Variants in SDHB observed in about 807,000 individuals in gnomAD.
SDHB encodes succinate dehydrogenase complex iron sulfur subunit B.
In SDHB, 21 loss-of-function variants were observed where a neutral mutation model predicts 39.7. The observed-to-expected ratio is 0.53, with a 90% CI of 0.37 to 0.76. The LOEUF (loss-of-function observed/expected upper bound fraction) is 0.76, where lower values mean the gene tolerates loss of function less well. SDHB is among the 30% of genes least tolerant of loss of function. The pLI is 0.00. For missense variants in SDHB, 343 were observed against 350.9 expected (o/e 0.98, Z 0.18); for synonymous variants, 118 against 117.0 (o/e 1.01, Z -0.06).
intron 1 of SDHB, among the ~76,000 whole-genome samples, chr1:17,048,867 C>T (rs751576324): frequency 1.3e-5 from 2 of 151,726 alleles, no homozygotes; most frequent in Non-Finnish European, 1.5e-5. Context: ...CCTGCCACCA[C>T]GCCGAGCTAA....
intron 2 of SDHB, among the ~76,000 whole-genome samples, chr1:17,041,478 T>C (rs757769826): frequency 3.9e-5 from 6 of 152,070 alleles, no homozygotes; most frequent in Non-Finnish European, 7.4e-5. Context: ...AAGACCAGCC[T>C]GGCCAACATG....
At chr1:17,045,868 G>T (rs1368986684) in intron 1 of SDHB, among the ~76,000 whole-genome samples, 2 of 152,178 alleles carry the variant, frequency 1.3e-5, no homozygotes, top group Non-Finnish European at 2.9e-5. Context: ...AATCCCAGAA[G>T]ACTGTGCAGC....
chr1:17,035,083 A>T (rs2078043893), intron 2 of SDHB, among the ~76,000 whole-genome samples: 1 of 152,112 alleles, frequency 6.6e-6, no homozygotes, highest in Non-Finnish European at 1.5e-5. Context: ...CTTATATATT[A>T]TATCTGTTGC....
chr1:17,039,010 C>T (rs1490813531), intron 2 of SDHB, among the ~76,000 whole-genome samples: 1 of 151,996 alleles, frequency 6.6e-6, no homozygotes, highest in Non-Finnish European at 1.5e-5. Flanking sequence ...CTTTTTCTTG[C>T]ACTTAAAACA....
intron 2 of SDHB, among the ~76,000 whole-genome samples, chr1:17,041,816 T>C (rs1230524910): frequency 6.6e-6 from 1 of 152,218 alleles, no homozygotes. Context: ...ATGAACAGCA[T>C]TTAGTGCTCC....
At chr1:17,022,456 C>A (rs1431540960) in intron 7 of SDHB, 152 bp downstream of exon 7, 4 of 1,088,026 alleles carry the variant, frequency 3.7e-6, no homozygotes, top group Non-Finnish European at 5.5e-6. Flanking sequence ...CCAAACTAGC[C>A]CCTAGGCTCA....
At chr1:17,051,143 T>C (rs1253319198) in intron 1 of SDHB, among the ~76,000 whole-genome samples, 1 of 152,212 alleles carries the variant, frequency 6.6e-6, no homozygotes, top group African/African-American at 2.4e-5. Flanking sequence ...GTTGCTCTAA[T>C]CATACAATGA....
intron 2 of SDHB, among the ~76,000 whole-genome samples, chr1:17,043,047 C>T (rs1486455874): frequency 1.4e-5 from 2 of 145,692 alleles, no homozygotes; most frequent in African/African-American, 2.5e-5. Flanking sequence ...CTGCAACCTC[C>T]GCCTCCCAGG....
chr1:17,022,551 T>A lies in SDHB; in HGVS notation c.765+57A>T, dbSNP rs968995462. 1.4e-5 allele frequency: 22 copies of A among 1,608,434 alleles called. No homozygotes were observed. The African/African-American group carries it at 2.1e-4, about 16-fold the overall frequency. ...TGCCAATCACCTCTTTGTGAGCACA[T>A]GCTACTTCTGGCGTGTCAGCTCTGA... On this transcript the variant is annotated intron_variant, in intron 7 of 7. Transcript: ENST00000375499.
intron 2 of SDHB, among the ~76,000 whole-genome samples, chr1:17,043,119 G>A (rs2078090722): frequency 6.6e-6 from 1 of 151,620 alleles, no homozygotes; most frequent in African/African-American, 2.4e-5. Flanking sequence ...CTGCCACAAC[G>A]CCCAGCTTAT....
At chr1:17,053,775 A>G (rs941449775) in intron 1 of SDHB, among the ~76,000 whole-genome samples, 173 bp downstream of exon 1, 34 of 149,996 alleles carry the variant, frequency 2.3e-4, no homozygotes, top group Admixed American at 1.7e-3. Context: ...GCGCAGAAAG[A>G]TAACTTGACA....
rs577755157 is a variant in SDHB at position 17,022,135 on chromosome 1, C to T, written c.765+473G>A. Among the ~76,000 whole-genome samples the T allele has an allele frequency of 6.6e-5, 10 of 152,240 alleles. No homozygotes were observed. In the South Asian group the frequency reaches 8.3e-4, roughly 13 times the overall value. Reference sequence around the variant, plus strand: ...AGTGAGCCAAAAGCAGCAGCAAATGCGAGCAGGAAGAGGAACGAAAGCCAG... The same window carrying T: ...AGTGAGCCAAAAGCAGCAGCAAATGTGAGCAGGAAGAGGAACGAAAGCCAG... On this transcript the variant is annotated intron_variant, in intron 7 of 7. Transcript: ENST00000375499.
At chr1:17,024,908 T>C (rs550056154) in intron 5 of SDHB, among the ~76,000 whole-genome samples, 16 of 152,316 alleles carry the variant, frequency 1.1e-4, no homozygotes, top group South Asian at 2.1e-4. Context: ...ATGGTTGTGA[T>C]TGAACCATGA....
chr1:17,035,070 G>T (rs992249435), intron 2 of SDHB, among the ~76,000 whole-genome samples: 5 of 151,992 alleles, frequency 3.3e-5, no homozygotes, highest in Non-Finnish European at 5.9e-5. Context: ...ATGATCTGAG[G>T]CTCTTATATA....
At chr1:17,022,193 G>A (rs1015476298) in intron 7 of SDHB, among the ~76,000 whole-genome samples, 5 of 152,210 alleles carry the variant, frequency 3.3e-5, no homozygotes, top group East Asian at 1.9e-4. Context: ...CCACAGAGCC[G>A]AAGGAAAGAA....
At position 17,022,660 on chromosome 1, in the gene SDHB, A is replaced by G. The variant is rs1553177279; in HGVS notation, c.713T>C (p.Phe238Ser). 6.2e-7 allele frequency: 1 copy of G among 1,613,942 alleles called. No homozygotes were observed. The highest frequency in any genetic ancestry group is 8.5e-7 in the Non-Finnish European group (1 of 1,179,944). The change falls in exon 7 of 8, where the codon TTC (phenylalanine) becomes TCC (serine). Residue 238 changes from phenylalanine to serine, a missense_variant. Physicochemically the swap from Phe to Ser is radical, Grantham distance 155. Coordinates refer to ENST00000375499, the MANE Select transcript of SDHB (RefSeq NM_003000.3). ...EERLAKLQDP[F>S]SLYRCHTIMN... ...GATGGTGTGGCAGCGGTATAGAGAG[A>G]ATGGGTCCTGCAGCTTGGCCAGGCG...
Position 17,044,894 on chromosome 1 carries a change from A to T in SDHB, c.73-6T>A, listed in dbSNP as rs1252798981. 6.2e-7 allele frequency: 1 copy of T among 1,613,138 alleles called. No homozygotes were observed. The highest frequency in any genetic ancestry group is 1.7e-5 in the Admixed American group (1 of 59,954). On this transcript the variant is annotated splice_region_variant and splice_polypyrimidine_tract_variant and intron_variant, in intron 1 of 7. Transcript: ENST00000375499. Reference sequence around the variant, plus strand: ...GTCTGGGCTCCTCGGGAGGCCTGAAATTTTTTAAAGTTCACAAAAAGGAAA... The same window carrying T: ...GTCTGGGCTCCTCGGGAGGCCTGAATTTTTTTAAAGTTCACAAAAAGGAAA...
chr1:17,046,890 T>C (rs2078113142), intron 1 of SDHB, among the ~76,000 whole-genome samples: 1 of 151,964 alleles, frequency 6.6e-6, no homozygotes, highest in South Asian at 2.1e-4. Context: ...GCTAATTTTG[T>C]ATTTTTAGTA....
chr1:17,037,294 A>G (rs528859304), intron 2 of SDHB, among the ~76,000 whole-genome samples: 2 of 149,800 alleles, frequency 1.3e-5, no homozygotes, highest in Admixed American at 6.6e-5. Context: ...GCAATGTCTT[A>G]TATTTTCTTT....
Sources: allele counts gnomAD v4.1 joint callset (sites outside exome capture counted in the v4.1 genomes callset), GRCh38; gene constraint gnomAD v4.1.1; transcripts MANE v1.5; gene names NCBI Gene and HGNC (gene_info 2026-07-23, HGNC 2026-07-21).